Variants in PRH1 observed in about 807,000 individuals in gnomAD.
PRH1 encodes the protein salivary acidic proline-rich phosphoprotein 1/2.
In PRH1, 7 loss-of-function variants were observed where a neutral mutation model predicts 7.9. The observed-to-expected ratio is 0.89, with a 90% confidence interval of 0.50 to 1.67. The LOEUF is 1.67. Ranked by LOEUF, PRH1 falls within the 40% of genes most tolerant of loss-of-function variation. PRH1 has a pLI of 0.00. For missense variants in PRH1, 109 were observed against 223.6 expected, an observed-to-expected ratio of 0.49 and a Z score of 3.27; for synonymous variants, 45 against 80.8, an observed-to-expected ratio of 0.56 and a Z score of 2.38.
chr12:10,950,275 AT>A (rs1950550205), intron 2 of PRH1, among the ~76,000 whole-genome samples: 1 of 152,158 alleles, frequency 6.6e-6, no homozygotes, highest in Non-Finnish European at 1.5e-5. Context: ...ATCCTCCATC[AT>A]AATCAGATTA....
chr12:10,979,065 A>G (rs915747574), intron 1 of PRH1, among the ~76,000 whole-genome samples: 1 of 152,144 alleles, frequency 6.6e-6, no homozygotes, highest in African/African-American at 2.4e-5. Context: ...ACATATGGAC[A>G]CAAAGAAGGG....
At position 11,008,779 on chromosome 12, in the gene PRH1, T is replaced by C. The variant is rs111422775; in HGVS notation, c.-125-35058A>G. ...TATAATTATCTATCCTTAGTTGATA[T>C]ATACTTGGACAGCTTCTTTTATGAA... On this transcript the variant is annotated intron_variant, in intron 1 of 3. Transcript: ENST00000539853. Among the ~76,000 whole-genome samples, 307 of 152,178 alleles carry C rather than the reference T, an allele frequency of 2.0e-3. 2 individuals carry two copies. The highest frequency in any genetic ancestry group is 6.8e-3 in the African/African-American group (281 of 41,576).
Position 11,052,233 on chromosome 12 carries a change from C to A in PRH1, n.124-5045G>T, listed in dbSNP as rs1052633116. On this transcript the variant is annotated intron_variant and non_coding_transcript_variant, in intron 1 of 4. Transcript: ENST00000541977. The stretch of plus-strand genomic sequence containing the variant: ...CGTCATTAATTTTTATTGCTCCTTG[C>A]ATGTTCAACTTTGTATTTTCAGTAA... 3.3e-5 allele frequency among the ~76,000 whole-genome samples: 5 copies of A among 152,242 alleles called. No homozygotes were observed. The East Asian group carries it at 5.8e-4, about 18-fold the overall frequency.
intron 2 of PRH1, chr12:10,938,030 A>G: frequency 2.4e-6 from 1 of 409,068 alleles, no homozygotes. Flanking sequence ...TACAAAATCT[A>G]TATTATCTGT....
At chr12:11,118,926 C>T (rs1945808821), downstream of PRH1, among the ~76,000 whole-genome samples, 1 of 133,404 alleles carries the variant, frequency 7.5e-6, no homozygotes, top group Non-Finnish European at 1.5e-5. Flanking sequence ...ACCTGGGAGG[C>T]TGAAGTTGCA....
At chr12:10,918,192 G>T (rs1382354214) in intron 2 of PRH1, among the ~76,000 whole-genome samples, 14 of 152,090 alleles carry the variant, frequency 9.2e-5, no homozygotes, top group Non-Finnish European at 1.3e-4. Context: ...GACACAGGGA[G>T]GGGAACAACA....
At chr12:10,991,491 C>T (rs1446743733) in intron 1 of PRH1, among the ~76,000 whole-genome samples, 2 of 152,046 alleles carry the variant, frequency 1.3e-5, no homozygotes, top group Non-Finnish European at 2.9e-5. Context: ...ATTATTGATG[C>T]TCCGACCTTC....
At chr12:10,912,658 T>C (rs1024483676) in intron 2 of PRH1, among the ~76,000 whole-genome samples, 2 of 152,076 alleles carry the variant, frequency 1.3e-5, no homozygotes, top group African/African-American at 4.8e-5. Context: ...TTAGAATTTT[T>C]CAGCATTTCT....
intron 1 of PRH1, among the ~76,000 whole-genome samples, chr12:11,019,566 TAAGA>T (rs1941483915): frequency 6.6e-6 from 1 of 152,294 alleles, no homozygotes; most frequent in African/African-American, 2.4e-5. Context: ...AAATAATGTG[TAAGA>T]AAGGTGACTG....
At chr12:11,022,001 TCA>T in intron 1 of PRH1, 1 of 1,586,340 alleles carries the variant, frequency 6.3e-7, no homozygotes, top group Non-Finnish European at 8.6e-7. Flanking sequence ...CATATTAGGC[TCA>T]GAGTAAAGGG....
chr12:10,990,373 T>C (rs1179295469), intron 1 of PRH1, among the ~76,000 whole-genome samples: 1 of 152,192 alleles, frequency 6.6e-6, no homozygotes, highest in African/African-American at 2.4e-5. Context: ...TTAGTGTTGA[T>C]TTCTGAGAAA....
chr12:11,139,369 T>A lies in PRH1; in HGVS notation n.40-18189A>T, dbSNP rs913314044. On this transcript the variant is annotated intron_variant and non_coding_transcript_variant, in intron 1 of 1. Transcript: ENST00000541175. Reference sequence around the variant, plus strand: ...CTTCTTGTTGATATTTCCCTTTTATTTCCTCCCTCCTGATTATCCCAATTG... The same window carrying A: ...CTTCTTGTTGATATTTCCCTTTTATATCCTCCCTCCTGATTATCCCAATTG... 5.3e-5 allele frequency among the ~76,000 whole-genome samples: 8 copies of A among 152,318 alleles called. No homozygotes were observed. The East Asian group carries it at 1.3e-3, about 26-fold the overall frequency.
chr12:11,127,865 G>T (rs1946187581), intron 1 of PRH1, among the ~76,000 whole-genome samples: 1 of 152,132 alleles, frequency 6.6e-6, no homozygotes, highest in South Asian at 2.1e-4. Context: ...CCAGCATTTT[G>T]GGAGGCCGAG....
chr12:10,927,878 T>C (rs1283173519), intron 2 of PRH1, among the ~76,000 whole-genome samples: 3 of 152,178 alleles, frequency 2.0e-5, no homozygotes, highest in Non-Finnish European at 4.4e-5. Context: ...ATTTTATGAA[T>C]TGAGGAACAG....
chr12:11,092,454 G>A lies in PRH1; in HGVS notation n.124-45266C>T, dbSNP rs1198519060. ...CACAGAGTGAAAGGCAACCCAGGTAGGTTGCCGCGGCTGGCTGAAGCCATG... is the reference window on the plus strand; with the variant it reads ...CACAGAGTGAAAGGCAACCCAGGTAAGTTGCCGCGGCTGGCTGAAGCCATG... On this transcript the variant is annotated intron_variant and non_coding_transcript_variant, in intron 1 of 4. Coordinates refer to the PRH1 transcript ENST00000541977. 6.7e-6 allele frequency: 2 copies of A among 298,344 alleles called. 1 individual carries two copies. Among genetic ancestry groups the A allele is most frequent in the African/African-American group, 4.9e-5 (2 of 40,650 alleles). The allele number at this position is 298,344 out of a possible 1,614,324, so 18.5% of individuals were successfully genotyped here.
chr12:11,031,301 A>T lies in PRH1; in HGVS notation c.-126+15719T>A, dbSNP rs750774819. 1.3e-5 allele frequency: 21 copies of T among 1,613,298 alleles called. No homozygotes were observed. The highest frequency in any genetic ancestry group is 1.7e-5 in the Non-Finnish European group (20 of 1,179,702). ...TCCAATAACAAATAGAACCACTACC[A>T]CACTGGAAAAAATGATGGGTATAAA... On this transcript the variant is annotated intron_variant, in intron 1 of 3. Transcript: ENST00000539853.
At chr12:10,936,152 C>T (rs1237074768) in intron 2 of PRH1, among the ~76,000 whole-genome samples, 1 of 151,810 alleles carries the variant, frequency 6.6e-6, no homozygotes, top group Non-Finnish European at 1.5e-5. Flanking sequence ...CCCGCCCCCA[C>T]ACACATACAC....
intron 1 of PRH1, among the ~76,000 whole-genome samples, chr12:11,099,899 G>C (rs1252530993): frequency 6.6e-6 from 1 of 152,152 alleles, no homozygotes; most frequent in Non-Finnish European, 1.5e-5. Flanking sequence ...GAATGGCAAA[G>C]GTTTGTCCTG....
chr12:11,134,437 T>A (rs944966712), intron 1 of PRH1: 5 of 642,876 alleles, frequency 7.8e-6, no homozygotes, highest in African/African-American at 7.4e-5. Context: ...AGTTCAATGC[T>A]CTCTTTATGG....
Sources: allele counts gnomAD v4.1 joint callset (sites outside exome capture counted in the v4.1 genomes callset), GRCh38; gene constraint gnomAD v4.1.1; transcripts MANE v1.5; gene names NCBI Gene and HGNC (gene_info 2026-07-23, HGNC 2026-07-21).